The following PTK2 variants were observed in gnomAD, a reference collection of about 807,000 sequenced individuals.
The protein encoded by PTK2 is protein tyrosine kinase 2, also known as focal adhesion kinase 1.
A neutral mutation model predicts 150.1 loss-of-function variants in PTK2; 45 were observed. The ratio of observed to expected loss-of-function variants is 0.30; its 90% CI spans 0.24 to 0.38. PTK2 has a LOEUF of 0.38. Ranked by LOEUF, PTK2 falls within the 10% of genes least tolerant of loss-of-function variation. The pLI, the probability that PTK2 is intolerant of heterozygous loss-of-function variation, is 1.00. For synonymous variants in PTK2, 432 were observed against 449.2 expected, an observed-to-expected ratio of 0.96 and a Z score of 0.48; for missense variants, 919 against 1,307.3, an observed-to-expected ratio of 0.70 and a Z score of 4.58.
intron 14 of PTK2, among the ~76,000 whole-genome samples, chr8:140,767,701 G>T (rs2100073143): frequency 6.6e-6 from 1 of 152,136 alleles, no homozygotes; most frequent in South Asian, 2.1e-4. Flanking sequence ...GCCCACGCTG[G>T]TCTCAAACTC....
At chr8:140,761,482 A>G (rs909345593) in intron 15 of PTK2, among the ~76,000 whole-genome samples, 4 of 152,182 alleles carry the variant, frequency 2.6e-5, no homozygotes, top group African/African-American at 7.2e-5. Flanking sequence ...AATGAGTTCT[A>G]CTAAAGGTAG....
intron 2 of PTK2, among the ~76,000 whole-genome samples, chr8:140,912,119 T>G (rs1228674795): frequency 6.6e-6 from 1 of 152,122 alleles, no homozygotes; most frequent in Non-Finnish European, 1.5e-5. Context: ...GGCACGCACC[T>G]GTAGTCCCAG....
At chr8:140,784,200 A>C (rs547196356) in intron 14 of PTK2, among the ~76,000 whole-genome samples, 2 of 152,318 alleles carry the variant, frequency 1.3e-5, no homozygotes, top group Non-Finnish European at 2.9e-5. Flanking sequence ...TTTAGCATGA[A>C]GGGCTTAGAG....
chr8:140,767,864 G>C (rs1453423967), intron 14 of PTK2, among the ~76,000 whole-genome samples: 1 of 152,016 alleles, frequency 6.6e-6, no homozygotes, highest in African/African-American at 2.4e-5. Context: ...GATATGATAG[G>C]TATTTTTACA....
At chr8:140,798,519 C>T (rs2100093022) in intron 12 of PTK2, among the ~76,000 whole-genome samples, 1 of 152,120 alleles carries the variant, frequency 6.6e-6, no homozygotes, top group Admixed American at 6.6e-5. Context: ...TAAAAAGCAT[C>T]GCATTTCATG....
At position 140,989,627 on chromosome 8, in the gene PTK2, G is replaced by A. The variant is rs556165583; in HGVS notation, c.-122+11498C>T. 2.0e-5 allele frequency among the ~76,000 whole-genome samples: 3 copies of A among 151,930 alleles called. No homozygotes were observed. The East Asian group carries it at 5.8e-4, about 29-fold the overall frequency. On this transcript the variant is annotated intron_variant, in intron 1 of 31. Coordinates refer to ENST00000522684, the Ensembl canonical transcript of PTK2. The stretch of plus-strand genomic sequence containing the variant: ...AATTTATTTTAAAAAGTGCAACCTC[G>A]GCTGGGCACGGTGGCTCACACCTGT...
At chr8:140,926,147 T>C (rs887638482) in intron 1 of PTK2, among the ~76,000 whole-genome samples, 3 of 152,248 alleles carry the variant, frequency 2.0e-5, no homozygotes, top group Non-Finnish European at 2.9e-5. Context: ...ACAGAGTCCA[T>C]GTACTTCACC....
chr8:140,770,753 G>C (rs1327718669), intron 14 of PTK2: 1 of 1,357,142 alleles, frequency 7.4e-7, no homozygotes, highest in Non-Finnish European at 9.8e-7. Flanking sequence ...AGACCAAAGG[G>C]AGAAAGCGCC....
intron 1 of PTK2, among the ~76,000 whole-genome samples, chr8:140,993,878 C>T (rs974185953): frequency 2.6e-5 from 4 of 152,188 alleles, no homozygotes; most frequent in African/African-American, 7.2e-5. Flanking sequence ...TACAGGCACA[C>T]GCCACCACAT....
chr8:140,857,306 G>C (rs561522572), intron 5 of PTK2, among the ~76,000 whole-genome samples: 7 of 152,230 alleles, frequency 4.6e-5, no homozygotes, highest in African/African-American at 1.7e-4. Flanking sequence ...GACTGAAAAG[G>C]GCATCTCAAG....
chr8:140,823,349 A>AGC (rs1348726178), intron 8 of PTK2, among the ~76,000 whole-genome samples: 3 of 152,214 alleles, frequency 2.0e-5, no homozygotes, highest in African/African-American at 7.2e-5. Context: ...GTTTATATAT[A>AGC]AATTATTGGC....
chr8:140,706,079 A>G lies in PTK2; in HGVS notation c.2229+40T>C, dbSNP rs773161134. 8.0e-6 allele frequency: 12 copies of G among 1,500,932 alleles called. No homozygotes were observed. In the South Asian group the frequency reaches 1.4e-4, roughly 17 times the overall value. The allele number at this position is 1,500,932 out of a possible 1,614,324, so 93.0% of individuals were successfully genotyped here. ...CCGCTCTACCCCAAAAGCGCTAAAT[A>G]ATAAAATAACACAGTTTATATCTGT... is the stretch of plus-strand genomic sequence containing the variant. On this transcript the variant is annotated intron_variant, in intron 24 of 31. Coordinates refer to ENST00000522684, the Ensembl canonical transcript of PTK2.
chr8:140,943,542 T>C (rs992660416), intron 1 of PTK2, among the ~76,000 whole-genome samples: 4 of 142,360 alleles, frequency 2.8e-5, no homozygotes, highest in Admixed American at 6.8e-5. Flanking sequence ...AATGTTCACA[T>C]AGAGGTCATT....
At chr8:140,741,039 G>A (rs1288008318) in intron 20 of PTK2, among the ~76,000 whole-genome samples, 8 of 152,174 alleles carry the variant, frequency 5.3e-5, no homozygotes, top group Admixed American at 5.2e-4. Flanking sequence ...AGCTACTCAG[G>A]AGGCTGAGGC....
chr8:140,664,639 G>A (rs1268868167), intron 31 of PTK2, among the ~76,000 whole-genome samples: 1 of 152,198 alleles, frequency 6.6e-6, no homozygotes, highest in Admixed American at 6.5e-5. Context: ...TTGTAGCTCA[G>A]ATGAGGACCT....
chr8:140,880,197 T>G (rs550193775), intron 3 of PTK2, among the ~76,000 whole-genome samples: 16 of 152,262 alleles, frequency 1.1e-4, no homozygotes, highest in Non-Finnish European at 1.8e-4. Flanking sequence ...CTAATCAGTT[T>G]ATTATTACTT....
At chr8:140,752,411 G>C in intron 16 of PTK2, 95 bp from the exon 20 acceptor site, 1 of 1,068,728 alleles carries the variant, frequency 9.4e-7, no homozygotes, top group South Asian at 1.3e-5. Context: ...AACTATGTGG[G>C]TTATGGACCA....
chr8:140,907,588 G>A (rs1321528335), intron 2 of PTK2, among the ~76,000 whole-genome samples: 1 of 151,950 alleles, frequency 6.6e-6, no homozygotes, highest in Non-Finnish European at 1.5e-5. Flanking sequence ...AAAAACAAAG[G>A]GTTTGTGGCA....
chr8:140,842,811 CTTTT>C (rs1228019869), intron 7 of PTK2, among the ~76,000 whole-genome samples: 1 of 152,122 alleles, frequency 6.6e-6, no homozygotes, highest in Non-Finnish European at 1.5e-5. Flanking sequence ...ATTCCTCTTT[CTTTT>C]AACTATCATA....
Sources: gnomAD v4.1 joint callset for allele counts (sites outside exome capture counted in the v4.1 genomes callset) on GRCh38, gnomAD v4.1.1 for gene constraint, MANE v1.5 for transcripts, NCBI Gene and HGNC (gene_info 2026-07-23, HGNC 2026-07-21) for gene names.